The following CLMN variants were observed in gnomAD, a reference collection of about 807,000 sequenced individuals.
The protein encoded by CLMN is calmin.
In CLMN, 57 loss-of-function variants were observed where a neutral mutation model predicts 92.7. The observed-to-expected ratio is 0.61, with a 90% CI of 0.50 to 0.77. CLMN has a LOEUF of 0.77. Among genes scored for constraint, CLMN ranks in the 30% least tolerant of loss-of-function variants. The pLI is 0.00. For missense variants in CLMN, 1,158 were observed against 1,237.5 expected (o/e 0.94, Z 0.96); for synonymous variants, 466 against 470.6 (o/e 0.99, Z 0.13).
chr14:95,278,068 G>T (rs920485687), intron 1 of CLMN, among the ~76,000 whole-genome samples: 15 of 152,162 alleles, frequency 9.9e-5, no homozygotes, highest in African/African-American at 2.4e-5. Flanking sequence ...CCATCTTGAA[G>T]TTCCTTTCTC....
chr14:95,284,253 T>C (rs1475305845), intron 1 of CLMN, among the ~76,000 whole-genome samples: 2 of 152,138 alleles, frequency 1.3e-5, no homozygotes, highest in Non-Finnish European at 2.9e-5. Context: ...AGATTTCAGA[T>C]ATATATATGG....
chr14:95,219,976 G>A (rs966048360), intron 4 of CLMN, among the ~76,000 whole-genome samples: 1 of 151,966 alleles, frequency 6.6e-6, no homozygotes, highest in African/African-American at 2.4e-5. Context: ...TCTTCCCACA[G>A]CCCAAAACAA....
chr14:95,274,363 C>T (rs112552598), intron 1 of CLMN, among the ~76,000 whole-genome samples: 16 of 152,238 alleles, frequency 1.1e-4, no homozygotes, highest in Admixed American at 4.6e-4. Context: ...ACCTAGCACA[C>T]GAAGTCAGGA....
rs572921839 is a variant in CLMN, at chr14:95,195,559, G to T, written c.2708+939C>A. Among the ~76,000 whole-genome samples the T allele has an allele frequency of 4.6e-5, 7 of 152,328 alleles. No homozygotes were observed. The East Asian group carries it at 7.7e-4, about 17-fold the overall frequency. On this transcript the variant is annotated intron_variant, in intron 10 of 12. Transcript: ENST00000298912. ...ATGCATACCTCAATAGTTTTCTGTTGCAGCTTGTATTACATCATCACAGGC... is the reference window on the plus strand; with the variant it reads ...ATGCATACCTCAATAGTTTTCTGTTTCAGCTTGTATTACATCATCACAGGC...
chr14:95,211,658 A>C (rs1316712434), intron 6 of CLMN, among the ~76,000 whole-genome samples: 1 of 149,722 alleles, frequency 6.7e-6, no homozygotes, highest in East Asian at 2.2e-4. Context: ...TTAAAAAAAA[A>C]AAAAAAAACC....
chr14:95,290,734 T>C (rs1027469813), intron 1 of CLMN, among the ~76,000 whole-genome samples: 1 of 152,218 alleles, frequency 6.6e-6, no homozygotes, highest in Non-Finnish European at 1.5e-5. Context: ...GTGCTCACTT[T>C]GTGTAAGTTT....
intron 5 of CLMN, among the ~76,000 whole-genome samples, chr14:95,214,396 C>CT (rs1897276050): frequency 7.3e-6 from 1 of 136,258 alleles, no homozygotes; most frequent in Non-Finnish European, 1.5e-5. Context: ...GTTGCCCAGG[C>CT]TGGAGTGCAG....
At position 95,230,098 on chromosome 14, in the gene CLMN, G is replaced by A. The variant is rs1185311480; in HGVS notation, c.118C>T (p.Arg40Ter). 1.9e-6 allele frequency: 3 copies of A among 1,614,054 alleles called. No homozygotes were observed. Among genetic ancestry groups the A allele is most frequent in the Non-Finnish European group, 2.5e-6 (3 of 1,180,012 alleles). ...TTTTCTAGATGTAGATTTATCCATC[G>A]TGTAAAGGTCCTCTTCTGCACATTT... ...RENVQKRTFT[R>*]WINLHLEKCN... Residue 40 changes from arginine (R) to a stop codon, truncating the protein, a stop_gained, in exon 2 of 13, where the codon CGA (arginine) becomes TGA (stop). Transcript: ENST00000298912. LOFTEE classifies it high-confidence loss of function.
At chr14:95,200,669 T>C (rs1382075989) in intron 9 of CLMN, among the ~76,000 whole-genome samples, 1 of 152,216 alleles carries the variant, frequency 6.6e-6, no homozygotes, top group Non-Finnish European at 1.5e-5. Context: ...AGTGGCCCTT[T>C]GTGAGCTACT....
chr14:95,269,601 G>C lies in CLMN; in HGVS notation c.83-39468C>G, dbSNP rs181966024. 4.6e-5 allele frequency among the ~76,000 whole-genome samples: 7 copies of C among 152,256 alleles called. No individual in the cohort carries two copies. In the East Asian group the frequency reaches 1.4e-3, roughly 29 times the overall value. ...AATGGACTCCTGCTTGACAGTAATT[G>C]ACACCTTGGTTGCGGCCCATAGGCT... is the stretch of plus-strand genomic sequence containing the variant. On this transcript the variant is annotated intron_variant, in intron 1 of 12. Coordinates refer to ENST00000298912, the MANE Select transcript of CLMN (RefSeq NM_024734.4).
chr14:95,299,206 C>A (rs1047916498), intron 1 of CLMN, among the ~76,000 whole-genome samples: 7 of 152,140 alleles, frequency 4.6e-5, no homozygotes, highest in African/African-American at 1.2e-4. Context: ...GTGCTCCCCC[C>A]AACCCCACCA....
intron 1 of CLMN, among the ~76,000 whole-genome samples, chr14:95,310,615 A>G (rs774392743): frequency 4.6e-5 from 7 of 152,228 alleles, no homozygotes; most frequent in Non-Finnish European, 8.8e-5. Flanking sequence ...AGGGGCTGGC[A>G]GGACAAAGAT....
chr14:95,182,050 A>G lies in CLMN; in HGVS notation c.*9514T>C, dbSNP rs1896339251. 6.6e-6 allele frequency: 1 copy of G among 152,236 alleles called. No homozygotes were observed. Among genetic ancestry groups the G allele is most frequent in the Admixed American group, 6.5e-5 (1 of 15,278 alleles). 9.4% of individuals were successfully genotyped at this position (152,236 alleles called of 1,614,324 possible). On this transcript the variant is annotated 3_prime_UTR_variant, in exon 13 of 13. Transcript: ENST00000298912. The stretch of plus-strand genomic sequence containing the variant: ...TTCCTTAATAGAAAACAGTCAAATA[A>G]CAAATACTCCAGTTAATTCCCACAG...
intron 4 of CLMN, 116 bp from the exon 5 acceptor site, chr14:95,215,849 G>A (rs1286913895): frequency 1.6e-6 from 1 of 620,438 alleles, no homozygotes; most frequent in Non-Finnish European, 2.8e-6. Context: ...GTGTGTGTGT[G>A]TGTGTGTGTG....
In CLMN at chr14:95,203,780, G is replaced by A. The variant is rs1041130316; in HGVS notation, c.1569C>T (p.His523=). Reference sequence around the variant, plus strand: ...TATTTTCTCCTGGGGGTGAAAGAGAGTGACTTTCTTCATCGTGGCGGGCTG... The same window carrying A: ...TATTTTCTCCTGGGGGTGAAAGAGAATGACTTTCTTCATCGTGGCGGGCTG... ...ESTARHDEES[H]SLSPPGENTV... is the part of the protein sequence containing the mutation. The change falls in exon 9 of 13, where the codon CAC becomes CAT. Residue 523 remains histidine (H), a synonymous_variant. Transcript: ENST00000298912. 6.2e-7 allele frequency: 1 copy of A among 1,614,038 alleles called. No individual in the cohort carries two copies. Among genetic ancestry groups the A allele is most frequent in the Non-Finnish European group, 8.5e-7 (1 of 1,179,994 alleles).
At chr14:95,305,426 T>C (rs1416389771) in intron 1 of CLMN, among the ~76,000 whole-genome samples, 1 of 152,154 alleles carries the variant, frequency 6.6e-6, no homozygotes, top group Non-Finnish European at 1.5e-5. Flanking sequence ...AGAGGCTTCT[T>C]TGAAGAATAA....
intron 1 of CLMN, among the ~76,000 whole-genome samples, chr14:95,270,277 A>AT (rs535058214): frequency 2.0e-5 from 3 of 151,494 alleles, no homozygotes; most frequent in African/African-American, 2.4e-5. Flanking sequence ...TGCCTCACTC[A>AT]TTTTTTTTTA....
Position 95,294,653 on chromosome 14 carries a change from A to AGCAG in CLMN, c.82+25057_82+25058insCTGC. On this transcript the variant is annotated intron_variant, in intron 1 of 12. Coordinates refer to ENST00000298912, the MANE Select transcript of CLMN (RefSeq NM_024734.4). The surrounding 1 kb of genome is among the most constrained non-coding windows in gnomAD (Gnocchi z 4.2). ...GAGGATTAGGATAAATCCCTGTGCT[A>AGCAG]GTCTCCTTTGCACACCCCTCCTCCT... is the stretch of plus-strand genomic sequence containing the variant. 6.6e-6 allele frequency among the ~76,000 whole-genome samples: 1 copy of AGCAG among 152,252 alleles called. No homozygotes were observed. Among genetic ancestry groups the AGCAG allele is most frequent in the East Asian group, 1.9e-4 (1 of 5,176 alleles).
At position 95,184,376 on chromosome 14, in the gene CLMN, C is replaced by T. The variant is rs549784524; in HGVS notation, c.*7188G>A. 1 of 152,374 alleles carries T rather than the reference C, an allele frequency of 6.6e-6. No individual in the cohort carries two copies. Among genetic ancestry groups the T allele is most frequent in the African/African-American group, 2.4e-5 (1 of 41,590 alleles). The allele number at this position is 152,374 out of a possible 1,614,324, so 9.4% of individuals were successfully genotyped here. On this transcript the variant is annotated 3_prime_UTR_variant, in exon 13 of 13. Transcript: ENST00000298912. Reference sequence around the variant, plus strand: ...GAGAACACTGCTAGATGAAGCTATTCTTGACATCTGAGTGTCAGGGATTTA... The same window carrying T: ...GAGAACACTGCTAGATGAAGCTATTTTTGACATCTGAGTGTCAGGGATTTA...
Sources: gnomAD v4.1 joint callset for allele counts (sites outside exome capture counted in the v4.1 genomes callset) on GRCh38, gnomAD v4.1.1 for gene constraint, Gnocchi (gnomAD v3.1) non-coding constraint, MANE v1.5 for transcripts, NCBI Gene and HGNC (gene_info 2026-07-23, HGNC 2026-07-21) for gene names.